The following GSE1 variants were observed in gnomAD, a reference collection of about 807,000 sequenced individuals.
GSE1 encodes genetic suppressor element 1.
GSE1 carries 32 observed loss-of-function variants against 112.6 expected under a neutral mutation model. The observed-to-expected ratio is 0.28, with a 90% CI of 0.21 to 0.38. The LOEUF is 0.38. Ranked by LOEUF, GSE1 falls within the 10% of genes least tolerant of loss-of-function variation. The probability of loss-of-function intolerance (pLI) is 1.00; values close to 1 mark genes in which losing one functional copy is unlikely to be tolerated. For missense variants in GSE1, 2,348 were observed against 1,699.2 expected (o/e 1.38, Z -6.71); for synonymous variants, 1,115 against 735.6 (o/e 1.52, Z -8.35).
chr16:85,661,551 C>T lies in GSE1; in HGVS notation c.2046C>T (p.Thr682=). The stretch of plus-strand genomic sequence containing the variant: ...TCCTGGCTGAGCTCGAGAAGTCCAC[C>T]CAGACCATCCTGGGCCAGCAGCGGG... The part of the protein sequence containing the change: ...GPFLAELEKS[T]QTILGQQRAS... The change falls in exon 9 of 16, where the codon ACC becomes ACT. Residue 682 remains threonine (T), a synonymous_variant. Coordinates refer to ENST00000253458, the MANE Select transcript of GSE1 (RefSeq NM_014615.5). 1 of 1,611,856 alleles carries T rather than the reference C, an allele frequency of 6.2e-7. No homozygotes were observed. Among genetic ancestry groups the T allele is most frequent in the Non-Finnish European group, 8.5e-7 (1 of 1,179,656 alleles).
At chr16:85,278,833 G>T in intron 1 of GSE1, 1 of 203,386 alleles carries the variant, frequency 4.9e-6, no homozygotes, top group South Asian at 9.7e-5. Flanking sequence ...CACTCTGAAA[G>T]ATACCAGCCT....
intron 1 of GSE1, among the ~76,000 whole-genome samples, chr16:85,286,830 G>T (rs955197986): frequency 6.6e-6 from 1 of 152,184 alleles, no homozygotes; most frequent in African/African-American, 2.4e-5. Flanking sequence ...TCTTCCCTGT[G>T]TAGGGATTAA....
intron 2 of GSE1, among the ~76,000 whole-genome samples, chr16:85,445,335 C>A (rs1407674578): frequency 6.6e-6 from 1 of 152,230 alleles, no homozygotes; most frequent in Non-Finnish European, 1.5e-5. Flanking sequence ...GCGAACCCCC[C>A]CACTCTGCAA....
intron 1 of GSE1, among the ~76,000 whole-genome samples, chr16:85,248,459 C>T (rs1015489077): frequency 6.6e-6 from 1 of 152,006 alleles, no homozygotes; most frequent in African/African-American, 2.4e-5. Context: ...CTCTCACGCT[C>T]CCTCCTTTTT....
At chr16:85,638,355 G>T (rs1020917070) in intron 2 of GSE1, among the ~76,000 whole-genome samples, 1 of 152,160 alleles carries the variant, frequency 6.6e-6, no homozygotes, top group Non-Finnish European at 1.5e-5. Context: ...CACCAGCGCG[G>T]GCCAGACACC....
chr16:85,169,713 G>C lies in GSE1; in HGVS notation c.189G>C (p.Pro63=), dbSNP rs1029413666. 151 of 983,200 alleles carry C rather than the reference G, an allele frequency of 1.5e-4. 2 individuals carry two copies. The East Asian group carries it at 0.012, about 81-fold the overall frequency. The allele number at this position is 983,200 out of a possible 1,614,324, so 60.9% of individuals were successfully genotyped here. The change falls in exon 1 of 3, where the codon CCG becomes CCC. Residue 63 remains proline, a synonymous_variant. Coordinates refer to the GSE1 transcript ENST00000637419. ...GGACCCCGGCGCAGCCCTTCTTCCC[G>C]TTCCTGCAGCAGCAGGAGCCGGCGC...
At chr16:85,444,321 A>G (rs954781039) in intron 2 of GSE1, among the ~76,000 whole-genome samples, 4 of 152,306 alleles carry the variant, frequency 2.6e-5, no homozygotes, top group South Asian at 4.1e-4. Context: ...GGACATAAGC[A>G]AAGGCAACCA....
chr16:85,250,949 C>T (rs759931894), intron 1 of GSE1, among the ~76,000 whole-genome samples: 14 of 152,040 alleles, frequency 9.2e-5, no homozygotes, highest in Non-Finnish European at 2.1e-4. Context: ...ATCTTTCACT[C>T]GGCGCCTGGT....
chr16:85,552,961 C>G (rs1169126890), upstream of GSE1, among the ~76,000 whole-genome samples: 4 of 152,260 alleles, frequency 2.6e-5, no homozygotes, highest in Non-Finnish European at 4.4e-5. Flanking sequence ...TTAATTACTA[C>G]TGTTGTTCGT....
intron 1 of GSE1, among the ~76,000 whole-genome samples, chr16:85,234,034 T>C (rs1904348311): frequency 6.6e-6 from 1 of 152,150 alleles, no homozygotes; most frequent in Admixed American, 6.5e-5. Context: ...CAAGGCCCCC[T>C]TGGGAACTCA....
At chr16:85,517,854 CA>C (rs2151944399) in intron 2 of GSE1, among the ~76,000 whole-genome samples, 1 of 152,388 alleles carries the variant, frequency 6.6e-6, no homozygotes, top group Admixed American at 6.5e-5. Flanking sequence ...TGAAGAACGA[CA>C]AGCGGAGCCG....
In GSE1 at chr16:85,226,042, C is replaced by T. The variant is rs144869988; in HGVS notation, c.2283+54235C>T. ...CTGCTGAAATGTCCCCACATTAGGG[C>T]GCTGGTTTCCCCCTAAGCAAGGTGG... is the stretch of plus-strand genomic sequence containing the variant. On this transcript the variant is annotated intron_variant, in intron 1 of 2. Transcript: ENST00000637419. 6.4e-4 allele frequency among the ~76,000 whole-genome samples: 98 copies of T among 152,254 alleles called. No homozygotes were observed. The East Asian group carries it at 0.014, about 22-fold the overall frequency.
At chr16:85,197,596 C>T (rs888364158) in intron 1 of GSE1, among the ~76,000 whole-genome samples, 5 of 152,196 alleles carry the variant, frequency 3.3e-5, no homozygotes. Flanking sequence ...GCGTCGCCGG[C>T]AGTCACAAGA....
At chr16:85,521,546 G>A (rs1423031714) in intron 2 of GSE1, among the ~76,000 whole-genome samples, 4 of 152,204 alleles carry the variant, frequency 2.6e-5, no homozygotes, top group African/African-American at 9.6e-5. Flanking sequence ...GGGCACGTTT[G>A]GGTCCTCTGT....
intron 1 of GSE1, among the ~76,000 whole-genome samples, chr16:85,187,791 G>C (rs4782690): frequency 0.17 from 25,800 of 152,252 alleles, 2,307 homozygotes; most frequent in Non-Finnish European, 0.19. Context: ...AGCACGTGAA[G>C]CCATAGCCGA....
chr16:85,179,142 C>T (rs1433843432), intron 1 of GSE1, among the ~76,000 whole-genome samples: 3 of 152,100 alleles, frequency 2.0e-5, no homozygotes, highest in Non-Finnish European at 4.4e-5. Context: ...ACCCTGTGCC[C>T]GTCAGGAGTC....
chr16:85,588,031 G>C (rs936683377), intron 1 of GSE1, among the ~76,000 whole-genome samples: 1 of 152,194 alleles, frequency 6.6e-6, no homozygotes, highest in Non-Finnish European at 1.5e-5. Context: ...CTACAGGGGA[G>C]GCAGTGTCTC....
At chr16:85,298,604 A>C (rs8055962) in intron 1 of GSE1, among the ~76,000 whole-genome samples, 7,249 of 151,878 alleles carry the variant, frequency 0.048, 576 homozygotes, top group African/African-American at 0.16. Flanking sequence ...ATTTTTTTGT[A>C]TGTTTAGAGA....
chr16:85,244,906 G>A (rs865953028), intron 1 of GSE1, among the ~76,000 whole-genome samples: 1 of 151,458 alleles, frequency 6.6e-6, no homozygotes, highest in African/African-American at 2.4e-5. Context: ...CAGGAGAATC[G>A]CTTGAACCCG....
Sources: allele counts gnomAD v4.1 joint callset (sites outside exome capture counted in the v4.1 genomes callset), GRCh38; gene constraint gnomAD v4.1.1; transcripts MANE v1.5; gene names NCBI Gene and HGNC (gene_info 2026-07-23, HGNC 2026-07-21).